The following CORIN variants were observed in gnomAD, a reference collection of about 807,000 sequenced individuals.
CORIN encodes atrial natriuretic peptide-converting enzyme.
CORIN carries 117 observed loss-of-function variants against 125.3 expected under a neutral mutation model. The ratio of observed to expected loss-of-function variants is 0.93; its 90% CI spans 0.80 to 1.09. CORIN has a LOEUF of 1.09. Among genes scored for constraint, CORIN ranks in the 50% least tolerant of loss-of-function variants. The probability of loss-of-function intolerance (pLI) is 0.00; values close to 1 mark genes in which losing one functional copy is unlikely to be tolerated. For synonymous variants in CORIN, 450 were observed against 466.4 expected, an observed-to-expected ratio of 0.96 and a Z score of 0.45; for missense variants, 1,253 against 1,306.7, an observed-to-expected ratio of 0.96 and a Z score of 0.63.
At chr4:47,674,557 G>A in intron 9 of CORIN, 57 bp from the exon 10 acceptor site, 2 of 1,021,562 alleles carry the variant, frequency 2.0e-6, no homozygotes, top group Middle Eastern at 4.1e-4. Context: ...CCTTACCTAA[G>A]GATCTAAAAG....
chr4:47,615,353 T>C (rs1276306476), intron 19 of CORIN, among the ~76,000 whole-genome samples: 2 of 152,162 alleles, frequency 1.3e-5, no homozygotes, highest in Admixed American at 6.5e-5. Flanking sequence ...GTGTGGATAA[T>C]AGGTAATAAG....
chr4:47,666,710 A>C (rs369099563), intron 10 of CORIN, among the ~76,000 whole-genome samples: 3 of 152,206 alleles, frequency 2.0e-5, no homozygotes, highest in African/African-American at 7.2e-5. Flanking sequence ...TCTCTCAGCC[A>C]TGTGAGGAAA....
At chr4:47,649,052 T>C (rs1270328350) in intron 13 of CORIN, among the ~76,000 whole-genome samples, 1 of 152,148 alleles carries the variant, frequency 6.6e-6, no homozygotes, top group Non-Finnish European at 1.5e-5. Flanking sequence ...GGCCTGATTA[T>C]CAGGGCAGCC....
chr4:47,828,332 C>G (rs917844908), intron 1 of CORIN, among the ~76,000 whole-genome samples: 4 of 152,158 alleles, frequency 2.6e-5, no homozygotes, highest in African/African-American at 9.7e-5. Context: ...CCAGAAAAAC[C>G]AAACTTTGAT....
intron 2 of CORIN, among the ~76,000 whole-genome samples, chr4:47,802,023 G>A (rs1036076505): frequency 6.6e-6 from 1 of 152,176 alleles, no homozygotes; most frequent in Non-Finnish European, 1.5e-5. Context: ...CAGCAACTGG[G>A]GGACTTTACA....
At chr4:47,632,172 C>T (rs1722831989) in intron 16 of CORIN, 1 of 152,094 alleles carries the variant, frequency 6.6e-6, no homozygotes, top group South Asian at 2.1e-4. Flanking sequence ...TTTTTCTTAC[C>T]TCTAACAACA....
Position 47,672,560 on chromosome 4 carries a change from C to T in CORIN, c.1357+1833G>A, listed in dbSNP as rs749879223. On this transcript the variant is annotated intron_variant, in intron 10 of 21. Transcript: ENST00000273857. Reference sequence around the variant, plus strand: ...AGGAAATCGCTCTGAAAAATTTCCACGGCAGATTGAGAGACGAGTAAAATG... The same window carrying T: ...AGGAAATCGCTCTGAAAAATTTCCATGGCAGATTGAGAGACGAGTAAAATG... Among the ~76,000 whole-genome samples, 15 of 152,068 alleles carry T rather than the reference C, an allele frequency of 9.9e-5. 1 individual carries two copies. The highest frequency in any genetic ancestry group is 6.5e-4 in the Admixed American group (10 of 15,286).
chr4:47,744,981 T>G (rs529241076), intron 4 of CORIN, among the ~76,000 whole-genome samples: 1 of 152,334 alleles, frequency 6.6e-6, no homozygotes, highest in Non-Finnish European at 1.5e-5. Flanking sequence ...TATTTTTATC[T>G]TCCCTTTGAG....
intron 19 of CORIN, among the ~76,000 whole-genome samples, chr4:47,606,118 A>G (rs1198851863): frequency 2.0e-5 from 3 of 152,232 alleles, no homozygotes; most frequent in Non-Finnish European, 4.4e-5. Context: ...TTACAAGAAT[A>G]AGCAAGAAAA....
At position 47,623,684 on chromosome 4, in the gene CORIN, G is replaced by GC; in HGVS notation, c.2426dup (p.Gly811TrpfsTer12). On this transcript the variant is annotated frameshift_variant, in exon 19 of 22. Coordinates refer to ENST00000273857, the MANE Select transcript of CORIN (RefSeq NM_006587.4). LOFTEE classifies it high-confidence loss of function. ...AACACTGCCATGGCCACCTTCCAGG[G>GC]CGACTCGTCCGACCTCCAAGGATCC... 1 of 1,614,202 alleles carries GC rather than the reference G, an allele frequency of 6.2e-7. No homozygotes were observed. Among genetic ancestry groups the GC allele is most frequent in the South Asian group, 1.1e-5 (1 of 91,090 alleles).
chr4:47,794,114 G>A (rs1333506253), intron 2 of CORIN, among the ~76,000 whole-genome samples: 1 of 152,180 alleles, frequency 6.6e-6, no homozygotes, highest in East Asian at 1.9e-4. Flanking sequence ...GTGGAGTCAG[G>A]TCATGAAAGA....
intron 3 of CORIN, among the ~76,000 whole-genome samples, chr4:47,773,669 A>C (rs1433164365): frequency 2.0e-5 from 3 of 152,176 alleles, no homozygotes; most frequent in African/African-American, 7.2e-5. Flanking sequence ...CATGTTCTAC[A>C]TACTCAAAAG....
chr4:47,610,485 C>T (rs1296397856), intron 19 of CORIN, among the ~76,000 whole-genome samples: 1 of 151,698 alleles, frequency 6.6e-6, no homozygotes, highest in Non-Finnish European at 1.5e-5. Context: ...TCCTTATAGA[C>T]TCTAGATACT....
At chr4:47,817,657 C>T (rs966308974) in intron 1 of CORIN, among the ~76,000 whole-genome samples, 5 of 152,164 alleles carry the variant, frequency 3.3e-5, no homozygotes, top group African/African-American at 9.7e-5. Flanking sequence ...ACTATTTGTG[C>T]CAGTCTTAAA....
At chr4:47,790,392 G>A (rs568686849) in intron 2 of CORIN, 1 of 154,138 alleles carries the variant, frequency 6.5e-6, no homozygotes, top group South Asian at 2.1e-4. Context: ...TGGTATTTGG[G>A]ACTCAACTTG....
intron 1 of CORIN, among the ~76,000 whole-genome samples, chr4:47,832,181 G>A (rs1733054268): frequency 6.6e-6 from 1 of 152,130 alleles, no homozygotes; most frequent in Non-Finnish European, 1.5e-5. Context: ...AGCTCATAGG[G>A]AGGGAAAAGA....
chr4:47,700,496 G>T (rs1035591676), intron 5 of CORIN, among the ~76,000 whole-genome samples: 1 of 152,174 alleles, frequency 6.6e-6, no homozygotes, highest in Admixed American at 6.5e-5. Flanking sequence ...ATATTTTGCA[G>T]GGATCTCTCC....
intron 3 of CORIN, among the ~76,000 whole-genome samples, chr4:47,777,161 C>T (rs1292800132): frequency 6.6e-6 from 1 of 152,112 alleles, no homozygotes; most frequent in African/African-American, 2.4e-5. Flanking sequence ...AGAGCCAAAA[C>T]CTGGAGTATG....
intron 5 of CORIN, among the ~76,000 whole-genome samples, chr4:47,712,467 GA>G (rs1726893278): frequency 6.6e-6 from 1 of 152,034 alleles, no homozygotes. Context: ...ATTTTTTGTA[GA>G]GACAGGGTTT....
Sources: allele counts gnomAD v4.1 joint callset (sites outside exome capture counted in the v4.1 genomes callset), GRCh38; gene constraint gnomAD v4.1.1; transcripts MANE v1.5; gene names NCBI Gene and HGNC (gene_info 2026-07-23, HGNC 2026-07-21).